Variants in CDH13 observed in about 807,000 individuals in gnomAD.
The protein encoded by CDH13 is cadherin-13.
In CDH13, 24 loss-of-function variants were observed where a neutral mutation model predicts 63.8. The observed-to-expected ratio is 0.38, with a 90% CI of 0.27 to 0.53. The LOEUF is 0.53. CDH13 is among the 20% of genes least tolerant of loss of function. The probability of loss-of-function intolerance (pLI) is 0.85; values close to 1 mark genes in which losing one functional copy is unlikely to be tolerated. For synonymous variants in CDH13, 503 were observed against 355.3 expected (o/e 1.42, Z -4.67); for missense variants, 1,049 against 903.1 (o/e 1.16, Z -2.07).
chr16:82,880,952 G>T (rs1658171904), intron 2 of CDH13, among the ~76,000 whole-genome samples: 1 of 152,176 alleles, frequency 6.6e-6, no homozygotes, highest in Non-Finnish European at 1.5e-5. Flanking sequence ...AACTTTGTGA[G>T]AACAATTTTT....
At chr16:83,619,155 C>T (rs952250029) in intron 8 of CDH13, among the ~76,000 whole-genome samples, 5 of 152,330 alleles carry the variant, frequency 3.3e-5, no homozygotes, top group African/African-American at 1.2e-4. Flanking sequence ...CATCCACCTG[C>T]TTGCCCATCA....
chr16:83,130,959 A>G (rs1044786389), intron 4 of CDH13, among the ~76,000 whole-genome samples: 1 of 152,126 alleles, frequency 6.6e-6, no homozygotes, highest in Non-Finnish European at 1.5e-5. Flanking sequence ...AGAACTGAAT[A>G]CCCACAGCAG....
At chr16:83,749,104 T>C (rs1392389371) in intron 11 of CDH13, among the ~76,000 whole-genome samples, 1 of 152,238 alleles carries the variant, frequency 6.6e-6, no homozygotes, top group Non-Finnish European at 1.5e-5. Context: ...ATGTGTATTG[T>C]GTCAATCACA....
chr16:83,689,614 C>A (rs1199354000), intron 10 of CDH13, among the ~76,000 whole-genome samples: 1 of 152,218 alleles, frequency 6.6e-6, no homozygotes, highest in East Asian at 1.9e-4. Context: ...AGTGATGAGG[C>A]TCTAAACTAC....
Position 82,682,172 on chromosome 16 carries a change from A to G in CDH13, c.45+55035A>G, listed in dbSNP as rs796807187. On this transcript the variant is annotated intron_variant, in intron 1 of 13. Coordinates refer to ENST00000567109, the MANE Select transcript of CDH13 (RefSeq NM_001257.5). The stretch of plus-strand genomic sequence containing the variant: ...CCCAATGATAAGACTGCCTTCACGC[A>G]TCAGGCAAATAACTATAATTGGTTC... Among the ~76,000 whole-genome samples the G allele has an allele frequency of 3.4e-4, 52 of 152,370 alleles. 1 individual carries two copies. The highest frequency in any genetic ancestry group is 1.2e-3 in the African/African-American group (48 of 41,592).
intron 10 of CDH13, among the ~76,000 whole-genome samples, chr16:83,690,511 G>A (rs1182184752): frequency 6.6e-6 from 1 of 152,146 alleles, no homozygotes; most frequent in East Asian, 1.9e-4. Flanking sequence ...GGGGATGGTG[G>A]GAAATGAGGC....
intron 3 of CDH13, among the ~76,000 whole-genome samples, chr16:83,087,421 G>T (rs140458397): frequency 0.057 from 8,642 of 152,120 alleles, 306 homozygotes; most frequent in Non-Finnish European, 0.072. Context: ...TGTAATCCCA[G>T]CACTTTGAGA....
At chr16:82,693,221 G>A (rs968209331) in intron 1 of CDH13, among the ~76,000 whole-genome samples, 3 of 152,226 alleles carry the variant, frequency 2.0e-5, no homozygotes, top group African/African-American at 4.8e-5. Flanking sequence ...TTGAAGCAGA[G>A]AAGATAGCTA....
intron 1 of CDH13, among the ~76,000 whole-genome samples, chr16:82,853,587 C>T (rs914833903): frequency 1.3e-5 from 2 of 152,166 alleles, no homozygotes; most frequent in Admixed American, 6.5e-5. Context: ...CGCTGGTAAA[C>T]GAGATTCACA....
At chr16:82,897,299 C>T (rs992928898) in intron 2 of CDH13, among the ~76,000 whole-genome samples, 1 of 152,152 alleles carries the variant, frequency 6.6e-6, no homozygotes, top group Non-Finnish European at 1.5e-5. Context: ...GATCAATGTA[C>T]TTCCTTCAAT....
chr16:83,018,896 T>A (rs964342908), intron 2 of CDH13, among the ~76,000 whole-genome samples: 2 of 152,200 alleles, frequency 1.3e-5, no homozygotes, highest in Non-Finnish European at 2.9e-5. Context: ...AAGGTAAAAT[T>A]GGCACACCTG....
intron 5 of CDH13, among the ~76,000 whole-genome samples, chr16:83,283,606 C>T (rs1390573950): frequency 6.6e-6 from 1 of 152,078 alleles, no homozygotes; most frequent in Non-Finnish European, 1.5e-5. Flanking sequence ...CAAAAATTTC[C>T]ACAGGAGATT....
chr16:82,723,099 A>G (rs1455397246), intron 1 of CDH13: 2 of 152,272 alleles, frequency 1.3e-5, no homozygotes, highest in Non-Finnish European at 2.9e-5. Flanking sequence ...ACAGACAAAA[A>G]TGGAGAACAG....
At chr16:82,974,769 C>T (rs1050229733) in intron 2 of CDH13, among the ~76,000 whole-genome samples, 11 of 152,148 alleles carry the variant, frequency 7.2e-5, no homozygotes, top group African/African-American at 2.4e-4. Flanking sequence ...GGAAAGTGGG[C>T]AGCATGTAGA....
chr16:83,245,830 C>G (rs1047830456), intron 5 of CDH13, among the ~76,000 whole-genome samples: 2 of 152,052 alleles, frequency 1.3e-5, no homozygotes, highest in African/African-American at 4.8e-5. Context: ...GCAGCCAAGA[C>G]CTCCCTGGCT....
chr16:83,591,993 G>A (rs1906803078), intron 7 of CDH13, among the ~76,000 whole-genome samples: 1 of 152,140 alleles, frequency 6.6e-6, no homozygotes, highest in Admixed American at 6.5e-5. Flanking sequence ...ATGCCCTTCT[G>A]CAGGAATCAC....
chr16:83,601,381 T>C (rs561792806), intron 7 of CDH13, among the ~76,000 whole-genome samples: 2 of 152,346 alleles, frequency 1.3e-5, no homozygotes, highest in African/African-American at 2.4e-5. Flanking sequence ...ATAAACATGA[T>C]AGCCAAATCT....
chr16:82,702,482 A>G (rs1254857455), intron 1 of CDH13, among the ~76,000 whole-genome samples: 1 of 152,136 alleles, frequency 6.6e-6, no homozygotes, highest in Non-Finnish European at 1.5e-5. Flanking sequence ...CAGGCACCAT[A>G]AATACCTGTT....
At chr16:83,776,115 GAA>G (rs1304712622) in intron 11 of CDH13, among the ~76,000 whole-genome samples, 5 of 152,036 alleles carry the variant, frequency 3.3e-5, no homozygotes, top group Non-Finnish European at 5.9e-5. Flanking sequence ...ACTAACTTCA[GAA>G]AAAGACATCA....
Sources: allele counts gnomAD v4.1 joint callset (sites outside exome capture counted in the v4.1 genomes callset), GRCh38; gene constraint gnomAD v4.1.1; transcripts MANE v1.5; gene names NCBI Gene and HGNC (gene_info 2026-07-23, HGNC 2026-07-21).